Variants in SIPA1 observed in about 807,000 individuals in gnomAD.
SIPA1 encodes the protein signal-induced proliferation-associated protein 1.
Under a neutral mutation model 88.1 loss-of-function variants are expected in SIPA1, and 51 were observed. That is an observed-to-expected ratio of 0.58 (90% CI 0.46 to 0.73). The LOEUF (loss-of-function observed/expected upper bound fraction) is 0.73, where lower values mean the gene tolerates loss of function less well. Among genes scored for constraint, SIPA1 ranks in the 30% least tolerant of loss-of-function variants. The pLI is 0.00. For synonymous variants in SIPA1, 681 were observed against 664.8 expected, an observed-to-expected ratio of 1.02 and a Z score of -0.37; for missense variants, 1,348 against 1,467.6, an observed-to-expected ratio of 0.92 and a Z score of 1.33.
In SIPA1 at chr11:65,641,383, C is replaced by T. The variant is rs1856000834; in HGVS notation, c.462C>T (p.Ala154=). Residue 154 remains alanine (A), a synonymous_variant, in exon 2 of 16, where the codon GCC becomes GCT. Coordinates refer to ENST00000534313, the MANE Select transcript of SIPA1 (RefSeq NM_006747.4). The part of the protein sequence containing the change: ...GTLASAEDQA[A]SSDLLHGAPG... ...TGGCTTCAGCCGAGGACCAGGCTGC[C>T]AGCTCGGACCTGCTGCATGGGGCAC... 1 of 1,613,284 alleles carries T rather than the reference C, an allele frequency of 6.2e-7. No homozygotes were observed.
intron 2 of SIPA1, 109 bp downstream of exon 2, chr11:65,641,709 C>T (rs1856007814): frequency 9.2e-7 from 1 of 1,081,874 alleles, no homozygotes; most frequent in African/African-American, 1.6e-5. Flanking sequence ...CTGTAAAGTC[C>T]CTGGCCCTGG....
chr11:65,650,358 C>A (rs763110902), intron 14 of SIPA1, 43 bp from the exon 15 acceptor site: 5 of 1,599,734 alleles, frequency 3.1e-6, no homozygotes, highest in Admixed American at 1.7e-5. Flanking sequence ...GGTGCACTGC[C>A]CCCTGCCTTG....
In SIPA1 at chr11:65,645,111, G is replaced by A; in HGVS notation, c.1141G>A (p.Ala381Thr). ...GCTCAAAGGCTTTGAGAGTTACCGG[G>A]CCCAGCTAGACACCAAAAGTGAGGC... ...VRLKGFESYR[A>T]QLDTKTDSTG... The change falls in exon 5 of 16, where the codon GCC (alanine) becomes ACC (threonine). Residue 381 changes from alanine (A) to threonine (T), a missense_variant. This residue lies in a region of SIPA1 where 641 missense variants were observed against 797.7 expected (regional missense o/e 0.80). Transcript: ENST00000534313. The A allele has an allele frequency of 6.2e-7, 1 of 1,613,802 alleles. No homozygotes were observed. The highest frequency in any genetic ancestry group is 2.2e-5 in the East Asian group (1 of 44,882).
chr11:65,643,639 C>T lies in SIPA1; in HGVS notation c.984+1000C>T, dbSNP rs111938101. Among the ~76,000 whole-genome samples the T allele has an allele frequency of 3.0e-4, 45 of 152,292 alleles. 1 individual carries two copies. Among genetic ancestry groups the T allele is most frequent in the African/African-American group, 1.1e-3 (44 of 41,560 alleles). ...ATGTTGAGGGCTGCCTGGGCCACGA[C>T]GGTAGTGATGAGAGCCCTTCCTTGG... On this transcript the variant is annotated intron_variant, in intron 4 of 15. Coordinates refer to ENST00000534313, the MANE Select transcript of SIPA1 (RefSeq NM_006747.4).
chr11:65,644,110 AAGG>A (rs1565180381), intron 4 of SIPA1, among the ~76,000 whole-genome samples: 1 of 151,780 alleles, frequency 6.6e-6, no homozygotes, highest in Non-Finnish European at 1.5e-5. Context: ...GTGGTGGTTT[AAGG>A]AGGAGGAGCA....
At chr11:65,649,083 G>A in intron 9 of SIPA1, 179 bp from the exon 10 acceptor site, 1 of 575,350 alleles carries the variant, frequency 1.7e-6, no homozygotes, top group East Asian at 2.9e-5. Context: ...GGGCAGCACT[G>A]GAATTTGAAC....
At position 65,646,206 on chromosome 11, in the gene SIPA1, C is replaced by A. The variant is rs1856110099; in HGVS notation, c.1264-15C>A. 1 of 1,613,108 alleles carries A rather than the reference C, an allele frequency of 6.2e-7. No individual in the cohort carries two copies. The highest frequency in any genetic ancestry group is 1.3e-5 in the African/African-American group (1 of 74,926). On this transcript the variant is annotated splice_polypyrimidine_tract_variant and intron_variant, in intron 6 of 15. Transcript: ENST00000534313. The surrounding 1 kb of genome is among the most constrained non-coding windows in gnomAD (Gnocchi z 7.5). The stretch of plus-strand genomic sequence containing the variant: ...CAGAAGACCTCATCACGAGCCCCTA[C>A]TATCCAACCCCTAGCTCCTCCGGAA...
intron 2 of SIPA1, 117 bp downstream of exon 2, chr11:65,641,717 T>A: frequency 2.0e-6 from 2 of 999,866 alleles, no homozygotes; most frequent in Non-Finnish European, 2.9e-6. Flanking sequence ...TCCCTGGCCC[T>A]GGGAGGGCTC....
Position 65,646,588 on chromosome 11 carries a change from C to T in SIPA1, c.1554C>T (p.Ala518=). 4 of 1,544,838 alleles carry T rather than the reference C, an allele frequency of 2.6e-6. No homozygotes were observed. Among genetic ancestry groups the T allele is most frequent in the Non-Finnish European group, 3.5e-6 (4 of 1,150,506 alleles). The change falls in exon 8 of 16, where the codon GCC becomes GCT. Residue 518 remains alanine (A), a synonymous_variant. Transcript: ENST00000534313. This position sits in a 1 kb window ranked among gnomAD's most constrained non-coding sequence, Gnocchi z 7.5. ...AAGCGCTGAATGGTGAGCAGGCGGC[C>T]GGCCACGCGCGCCAGTTCCACGCCA... ...LAKALNGEQA[A]GHARQFHAMA...
chr11:65,650,576 C>A lies in SIPA1; in HGVS notation c.2990C>A (p.Ala997Glu). 1 of 1,600,972 alleles carries A rather than the reference C, an allele frequency of 6.2e-7. No homozygotes were observed. The highest frequency in any genetic ancestry group is 8.5e-7 in the Non-Finnish European group (1 of 1,173,500). Residue 997 changes from alanine (A) to glutamate (E), a missense_variant, in exon 16 of 16, where the codon GCG becomes GAG. Around this residue, in one of 4 missense-constraint regions of SIPA1, gnomAD observed 615 missense variants for 559.8 expected, o/e 1.10. Coordinates refer to ENST00000534313, the MANE Select transcript of SIPA1 (RefSeq NM_006747.4). Reference sequence around the variant, plus strand: ...GTCTCCCCGGCACCCCAGGAGAAGGCGGACAGGGCGGCCCTGGAGGAGGAG... The same window carrying A: ...GTCTCCCCGGCACCCCAGGAGAAGGAGGACAGGGCGGCCCTGGAGGAGGAG... ...KLQEDLQKEK[A>E]DRAALEEEVR...
At chr11:65,647,218 T>A in intron 8 of SIPA1, 153 bp downstream of exon 8, 1 of 1,393,764 alleles carries the variant, frequency 7.2e-7, no homozygotes, top group Non-Finnish European at 9.3e-7. Context: ...CCGGAACTGG[T>A]GCCCTCGGGT....
chr11:65,646,777 G>A lies in SIPA1; in HGVS notation c.1743G>A (p.Leu581=), dbSNP rs867392438. The change falls in exon 8 of 16, where the codon CTG becomes CTA. Residue 581 remains leucine (L), a synonymous_variant. Transcript: ENST00000534313. This position sits in a 1 kb window ranked among gnomAD's most constrained non-coding sequence, Gnocchi z 7.5. ...CCGAGCTGCAGGCAGCGGGCTCACTGGTGTGGGGAGTGCGCGCGGCGCCCG... is the reference window on the plus strand; with the variant it reads ...CCGAGCTGCAGGCAGCGGGCTCACTAGTGTGGGGAGTGCGCGCGGCGCCCG... The part of the protein sequence containing the change: ...PGAELQAAGS[L]VWGVRAAPGA... 1 of 1,418,608 alleles carries A rather than the reference G, an allele frequency of 7.0e-7. No individual in the cohort carries two copies. The highest frequency in any genetic ancestry group is 1.5e-5 in the South Asian group (1 of 68,332). 87.9% of individuals were successfully genotyped at this position (1,418,608 alleles called of 1,614,324 possible).
rs1162327172 is a variant in SIPA1, at chr11:65,638,114, G to GGAGCGGTAGCGGGA, written c.-153_-140dup. 6.6e-6 allele frequency: 1 copy of GGAGCGGTAGCGGGA among 152,078 alleles called. No individual in the cohort carries two copies. The highest frequency in any genetic ancestry group is 1.5e-5 in the Non-Finnish European group (1 of 67,962). The allele number at this position is 152,078 out of a possible 1,614,324, so 9.4% of individuals were successfully genotyped here. Reference sequence around the variant, plus strand: ...CCGCCCCCAGGCGGAGCCGGCGCCGGGAGCGGTAGCGGGAGAGCGGCAGCG... The same window carrying GGAGCGGTAGCGGGA: ...CCGCCCCCAGGCGGAGCCGGCGCCGGGAGCGGTAGCGGGAGAGCGGTAGCGGGAGAGCGGCAGCG... On this transcript the variant is annotated 5_prime_UTR_variant, in exon 1 of 16. Coordinates refer to ENST00000534313, the MANE Select transcript of SIPA1 (RefSeq NM_006747.4).
intron 14 of SIPA1, 44 bp from the exon 15 acceptor site, chr11:65,650,357 C>A: frequency 1.0e-5 from 16 of 1,597,476 alleles, no homozygotes; most frequent in Non-Finnish European, 1.4e-5. Flanking sequence ...TGGTGCACTG[C>A]CCCCTGCCTT....
In SIPA1 at chr11:65,647,580, C is replaced by T. The variant is rs761276409; in HGVS notation, c.2228C>T (p.Ala743Val). ...ACTCTGCCCAGCCTCCGGCCCGAGG[C>T]CGCTGCCCAGCTCCTGCGCTCGGCG... ...GQTLPSLRPE[A>V]AAQLLRSAPK... is the part of the protein sequence containing the mutation. The change falls in exon 9 of 16, where the codon GCC becomes GTC. Residue 743 changes from alanine to valine, a missense_variant. Ala to Val is a moderately conservative substitution (Grantham distance 64). Coordinates refer to ENST00000534313, the MANE Select transcript of SIPA1 (RefSeq NM_006747.4). 9.6e-6 allele frequency: 13 copies of T among 1,360,652 alleles called. No individual in the cohort carries two copies. The highest frequency in any genetic ancestry group is 4.6e-4 in the Middle Eastern group (2 of 4,388). The allele number at this position is 1,360,652 out of a possible 1,614,324, so 84.3% of individuals were successfully genotyped here. A position where few individuals can be genotyped will look rare whatever the true frequency, so the allele number is the denominator to read the frequency against.
At position 65,642,823 on chromosome 11, in the gene SIPA1, G is replaced by A. The variant is rs1271900520; in HGVS notation, c.984+184G>A. ...AGCCTTGCGTCTCAAAGTGAGCTCTGTAGACCAGCAGTATCCACATCATGT... is the reference window on the plus strand; with the variant it reads ...AGCCTTGCGTCTCAAAGTGAGCTCTATAGACCAGCAGTATCCACATCATGT... On this transcript the variant is annotated intron_variant, in intron 4 of 15. Coordinates refer to ENST00000534313, the MANE Select transcript of SIPA1 (RefSeq NM_006747.4). The surrounding 1 kb of genome is among the most constrained non-coding windows in gnomAD (Gnocchi z 6.5). 6.6e-6 allele frequency among the ~76,000 whole-genome samples: 1 copy of A among 152,208 alleles called. No homozygotes were observed. Among genetic ancestry groups the A allele is most frequent in the Non-Finnish European group, 1.5e-5 (1 of 68,034 alleles).
In SIPA1 at chr11:65,649,492, T is replaced by C. The variant is rs746672624; in HGVS notation, c.2525+12T>C. 1 of 1,613,758 alleles carries C rather than the reference T, an allele frequency of 6.2e-7. No homozygotes were observed. Among genetic ancestry groups the C allele is most frequent in the East Asian group, 2.2e-5 (1 of 44,880 alleles). On this transcript the variant is annotated intron_variant, in intron 10 of 15. Transcript: ENST00000534313. ...CTGTCACCACGCAGGTGCACACTCTTGGCCTTCCCTCTCCTCCAGGCCTCT... is the reference window on the plus strand; with the variant it reads ...CTGTCACCACGCAGGTGCACACTCTCGGCCTTCCCTCTCCTCCAGGCCTCT...
At chr11:65,647,342 A>T in intron 8 of SIPA1, 42 bp from the exon 9 acceptor site, 1 of 1,371,802 alleles carries the variant, frequency 7.3e-7, no homozygotes, top group Non-Finnish European at 9.3e-7. Flanking sequence ...GGGCGGCCCC[A>T]CCTCCCGGCA....
chr11:65,650,646 T>C lies in SIPA1; in HGVS notation c.3060T>C (p.Ser1020=), dbSNP rs895588873. The C allele has an allele frequency of 3.8e-6, 6 of 1,574,032 alleles. No homozygotes were observed. Among genetic ancestry groups the C allele is most frequent in the Non-Finnish European group, 5.2e-6 (6 of 1,159,828 alleles). Residue 1020 remains serine, a synonymous_variant, in exon 16 of 16, where the codon TCT becomes TCC. Coordinates refer to ENST00000534313, the MANE Select transcript of SIPA1 (RefSeq NM_006747.4). ...RHNNRRLQAE[S]ESAATRLLLA... ...ACAACCGGCGGCTGCAGGCGGAGTC[T>C]GAGAGTGCAGCCACACGCCTCCTCC...
Sources: allele counts gnomAD v4.1 joint callset (sites outside exome capture counted in the v4.1 genomes callset), GRCh38; gene constraint gnomAD v4.1.1; regional missense constraint gnomAD v4.1.1; non-coding constraint Gnocchi (gnomAD v3.1); transcripts MANE v1.5; gene names NCBI Gene and HGNC (gene_info 2026-07-23, HGNC 2026-07-21).